Variants in PMFBP1 observed in about 807,000 individuals in gnomAD.
The protein encoded by PMFBP1 is polyamine-modulated factor 1-binding protein 1.
In PMFBP1, 131 loss-of-function variants were observed where a neutral mutation model predicts 137.8. The observed-to-expected ratio is 0.95, with a 90% CI of 0.82 to 1.10. The LOEUF (loss-of-function observed/expected upper bound fraction) is 1.10. Ranked by LOEUF, PMFBP1 falls within the 50% of genes least tolerant of loss-of-function variation. The pLI is 0.00. For synonymous variants in PMFBP1, 490 were observed against 450.4 expected (o/e 1.09, Z -1.11); for missense variants, 1,199 against 1,175.4 (o/e 1.02, Z -0.29).
the PMFBP1 span, among the ~76,000 whole-genome samples, chr16:72,192,958 T>G: frequency 1.3e-5 from 2 of 150,062 alleles, no homozygotes; most frequent in African/African-American, 2.5e-5. Context: ...TGGTTAAATA[T>G]GCAGTGATTT....
the PMFBP1 span, among the ~76,000 whole-genome samples, chr16:72,185,823 G>A: frequency 6.6e-6 from 1 of 152,210 alleles, no homozygotes; most frequent in South Asian, 2.1e-4. Flanking sequence ...CATGAGAACT[G>A]GAATATTTTC....
At chr16:72,200,059 C>A in the PMFBP1 span, among the ~76,000 whole-genome samples, 1 of 152,338 alleles carries the variant, frequency 6.6e-6, no homozygotes, top group East Asian at 1.9e-4. Flanking sequence ...GAGAAAACTA[C>A]ATGGCAAGCT....
the PMFBP1 span, among the ~76,000 whole-genome samples, chr16:72,214,160 G>C: frequency 6.6e-6 from 1 of 152,044 alleles, no homozygotes; most frequent in East Asian, 1.9e-4. Flanking sequence ...GACAGTACAT[G>C]GGGGACAGGT....
the PMFBP1 span, among the ~76,000 whole-genome samples, chr16:72,205,576 G>C: frequency 1.3e-5 from 2 of 152,172 alleles, no homozygotes; most frequent in Non-Finnish European, 2.9e-5. Context: ...ACATACAAAA[G>C]GGTATGATGC....
upstream of PMFBP1, among the ~76,000 whole-genome samples, chr16:72,181,263 T>A (rs982282339): frequency 3.3e-5 from 5 of 151,046 alleles, no homozygotes; most frequent in African/African-American, 1.2e-4. Flanking sequence ...ATAATAATAA[T>A]AATTAAATTA....
At position 72,119,342 on chromosome 16, in the gene PMFBP1, C is replaced by T. The variant is rs370319198; in HGVS notation, c.3020G>A (p.Cys1007Tyr). ...GCTCAGGGCTAGATGTGGATTCTAG[C>T]AGTATGAGGAACCTGAGGGAACAGG... is the stretch of plus-strand genomic sequence containing the variant. The part of the protein sequence containing the change: ...GMPHCPGSSY[C>Y] Residue 1007 changes from cysteine (C) to tyrosine (Y), a missense_variant, in exon 21 of 21, where the codon TGC (cysteine) becomes TAC (tyrosine). By Grantham distance (194) the Cys-to-Tyr change is radical. Coordinates refer to ENST00000237353, the MANE Select transcript of PMFBP1 (RefSeq NM_031293.3). 36 of 1,613,954 alleles carry T rather than the reference C, an allele frequency of 2.2e-5. No individual in the cohort carries two copies. Among genetic ancestry groups the T allele is most frequent in the East Asian group, 1.3e-4 (6 of 44,898 alleles).
chr16:72,202,588 A>G, the PMFBP1 span, among the ~76,000 whole-genome samples: 1 of 152,098 alleles, frequency 6.6e-6, no homozygotes, highest in African/African-American at 2.4e-5. Context: ...TGACATCAAC[A>G]CTTCATTGGG....
At chr16:72,133,853 G>A (rs1207052634) in intron 9 of PMFBP1, among the ~76,000 whole-genome samples, 1 of 152,180 alleles carries the variant, frequency 6.6e-6, no homozygotes, top group Non-Finnish European at 1.5e-5. Flanking sequence ...GTGGTGAGAA[G>A]TAATGCAGGA....
At position 72,128,692 on chromosome 16, in the gene PMFBP1, T is replaced by C. The variant is rs777161112; in HGVS notation, c.2053A>G (p.Thr685Ala). 1 of 1,613,744 alleles carries C rather than the reference T, an allele frequency of 6.2e-7. No individual in the cohort carries two copies. The highest frequency in any genetic ancestry group is 8.5e-7 in the Non-Finnish European group (1 of 1,179,974). ...AAGTCTTGGATGACTTGCTGGCTGG[T>C]GTTGTATTTGTTGAGAGAGGATTCC... ...QLESSLNKYN[T>A]SQQVIQDLNK... The change falls in exon 14 of 21, where the codon ACC becomes GCC. Residue 685 changes from threonine to alanine, a missense_variant. Thr to Ala is a moderately conservative substitution (Grantham distance 58, BLOSUM62 0). Transcript: ENST00000237353.
intron 5 of PMFBP1, among the ~76,000 whole-genome samples, chr16:72,142,571 T>C (rs903687892): frequency 3.3e-5 from 5 of 152,176 alleles, no homozygotes; most frequent in Non-Finnish European, 7.3e-5. Flanking sequence ...CTTTTGAAAG[T>C]TTGTATATCC....
chr16:72,150,340 G>C (rs1303160707), intron 5 of PMFBP1, among the ~76,000 whole-genome samples: 2 of 152,136 alleles, frequency 1.3e-5, no homozygotes, highest in Non-Finnish European at 2.9e-5. Context: ...GGAACTGTGG[G>C]GCTGAAGCTT....
the PMFBP1 span, among the ~76,000 whole-genome samples, chr16:72,245,393 G>A: frequency 1.3e-5 from 2 of 152,168 alleles, no homozygotes; most frequent in Non-Finnish European, 2.9e-5. Context: ...AGGTGGTACA[G>A]CTGGTAAATG....
intron 14 of PMFBP1, chr16:72,128,407 G>A (rs1271398990): frequency 2.7e-5 from 39 of 1,438,940 alleles, no homozygotes; most frequent in Non-Finnish European, 3.6e-5. Flanking sequence ...TGGAAGACTT[G>A]ATGCCAAAGC....
chr16:72,178,797 G>C (rs1222004583), upstream of PMFBP1, among the ~76,000 whole-genome samples: 1 of 152,108 alleles, frequency 6.6e-6, no homozygotes, highest in Admixed American at 6.5e-5. Flanking sequence ...CATGGAGTCA[G>C]GGCTCACATT....
chr16:72,184,252 C>A, the PMFBP1 span, among the ~76,000 whole-genome samples: 1 of 152,142 alleles, frequency 6.6e-6, no homozygotes, highest in African/African-American at 2.4e-5. Context: ...CAGTTATCAT[C>A]CATATCAGGT....
the PMFBP1 span, among the ~76,000 whole-genome samples, chr16:72,199,941 G>A: frequency 6.6e-6 from 1 of 152,334 alleles, no homozygotes; most frequent in South Asian, 2.1e-4. Context: ...AGTAACTATG[G>A]AAATCTTCAT....
intron 5 of PMFBP1, among the ~76,000 whole-genome samples, chr16:72,143,041 G>C (rs1052436430): frequency 6.6e-6 from 1 of 152,228 alleles, no homozygotes; most frequent in African/African-American, 2.4e-5. Context: ...CATAAACATT[G>C]TTCTATATAT....
chr16:72,136,142 C>G (rs944232886), intron 9 of PMFBP1, among the ~76,000 whole-genome samples: 1 of 152,098 alleles, frequency 6.6e-6, no homozygotes, highest in Non-Finnish European at 1.5e-5. Context: ...CACTATCAAG[C>G]ATAAGAAGAG....
intron 3 of PMFBP1, among the ~76,000 whole-genome samples, chr16:72,157,198 A>C (rs1365695973): frequency 3.3e-4 from 49 of 148,198 alleles, no homozygotes; most frequent in Middle Eastern, 3.5e-3. Flanking sequence ...AAAAAAAAAA[A>C]AAAAAAAAAA....
Sources: allele counts gnomAD v4.1 joint callset (sites outside exome capture counted in the v4.1 genomes callset), GRCh38; gene constraint gnomAD v4.1.1; transcripts MANE v1.5; gene names NCBI Gene and HGNC (gene_info 2026-07-23, HGNC 2026-07-21).